LPP: variants seen among roughly 807,000 people sequenced by gnomAD.
LPP encodes LIM domain containing preferred translocation partner in lipoma.
In LPP, 38 loss-of-function variants were observed where a neutral mutation model predicts 60.4. That is an observed-to-expected ratio of 0.63 (90% CI 0.49 to 0.83). The LOEUF (loss-of-function observed/expected upper bound fraction) is 0.83. Ranked by LOEUF, LPP falls within the 40% of genes least tolerant of loss-of-function variation. LPP has a pLI of 0.00. For synonymous variants in LPP, 328 were observed against 290.8 expected (o/e 1.13, Z -1.30); for missense variants, 902 against 783.6 (o/e 1.15, Z -1.80).
At chr3:188,840,439 T>A (rs1228793930) in intron 9 of LPP, among the ~76,000 whole-genome samples, 2 of 152,200 alleles carry the variant, frequency 1.3e-5, no homozygotes, top group Non-Finnish European at 2.9e-5. Flanking sequence ...ATCTTGTGCA[T>A]TTGTAGAGGG....
intron 9 of LPP, among the ~76,000 whole-genome samples, chr3:188,807,657 C>G (rs1487543883): frequency 6.6e-6 from 1 of 152,088 alleles, no homozygotes; most frequent in Non-Finnish European, 1.5e-5. Flanking sequence ...TTCTTCTTCT[C>G]TGTTACTATG....
At chr3:188,379,200 G>C (rs914537866) in intron 3 of LPP, among the ~76,000 whole-genome samples, 1 of 152,088 alleles carries the variant, frequency 6.6e-6, no homozygotes, top group Non-Finnish European at 1.5e-5. Context: ...TGGTAGTTTA[G>C]TTGGTGAGGC....
chr3:188,719,405 C>G (rs1427657066), intron 8 of LPP, among the ~76,000 whole-genome samples: 1 of 152,156 alleles, frequency 6.6e-6, no homozygotes, highest in African/African-American at 2.4e-5. Flanking sequence ...GAACCACCAC[C>G]CAAGATTGGT....
chr3:188,478,469 T>A (rs1803829973), intron 4 of LPP, among the ~76,000 whole-genome samples: 1 of 152,084 alleles, frequency 6.6e-6, no homozygotes, highest in Non-Finnish European at 1.5e-5. Flanking sequence ...GATAGCAATA[T>A]TACCACATTA....
chr3:188,522,791 A>ATG (rs1819268804), intron 5 of LPP, among the ~76,000 whole-genome samples: 1 of 42,182 alleles, frequency 2.4e-5, no homozygotes, highest in Non-Finnish European at 5.2e-5. Context: ...TGAAATATAT[A>ATG]TATATATATA....
chr3:188,841,630 T>A (rs13088221), intron 9 of LPP, among the ~76,000 whole-genome samples: 18,103 of 152,172 alleles, frequency 0.12, 1,537 homozygotes, highest in Non-Finnish European at 0.18. Flanking sequence ...GACTTTGTGA[T>A]CCGCCCACCT....
At chr3:188,491,010 C>T (rs1808202962) in intron 5 of LPP, among the ~76,000 whole-genome samples, 2 of 152,060 alleles carry the variant, frequency 1.3e-5, no homozygotes, top group Admixed American at 1.3e-4. Flanking sequence ...ATCCGCCTGC[C>T]TCAGCCTCCC....
chr3:188,622,379 T>C (rs1845960392), intron 7 of LPP, among the ~76,000 whole-genome samples: 2 of 152,320 alleles, frequency 1.3e-5, no homozygotes, highest in Admixed American at 1.3e-4. Context: ...TCAAGGACTT[T>C]TTACGTAGCA....
intron 3 of LPP, among the ~76,000 whole-genome samples, chr3:188,387,935 TTTA>T (rs1778752196): frequency 6.6e-6 from 1 of 152,060 alleles, no homozygotes; most frequent in East Asian, 1.9e-4. Flanking sequence ...TTTTTTTTTT[TTTA>T]GCTTTAGTAG....
intron 5 of LPP, among the ~76,000 whole-genome samples, chr3:188,499,500 G>T (rs1386559153): frequency 6.6e-6 from 1 of 152,036 alleles, no homozygotes; most frequent in Non-Finnish European, 1.5e-5. Context: ...ACACTGTTTT[G>T]CTTACTTTAG....
At chr3:188,641,858 C>G (rs1377784930) in intron 7 of LPP, among the ~76,000 whole-genome samples, 1 of 152,232 alleles carries the variant, frequency 6.6e-6, no homozygotes, top group Non-Finnish European at 1.5e-5. Flanking sequence ...TCATCCTGTT[C>G]TGATAGAAAC....
At chr3:188,678,783 T>TAAATAA (rs1300396400) in intron 7 of LPP, among the ~76,000 whole-genome samples, 1 of 152,132 alleles carries the variant, frequency 6.6e-6, no homozygotes, top group African/African-American at 2.4e-5. Context: ...AAAATAAGAT[T>TAAATAA]TAAATAGGTT....
At chr3:188,716,178 G>A (rs1713914957) in intron 8 of LPP, among the ~76,000 whole-genome samples, 2 of 152,294 alleles carry the variant, frequency 1.3e-5, no homozygotes, top group Admixed American at 1.3e-4. Flanking sequence ...AGAAAACCAG[G>A]AGTTTGTTCC....
intron 4 of LPP, among the ~76,000 whole-genome samples, chr3:188,445,420 A>G (rs1167709018): frequency 6.6e-6 from 1 of 152,152 alleles, no homozygotes; most frequent in African/African-American, 2.4e-5. Context: ...GTTCTCACTC[A>G]TAATTGGGAG....
chr3:188,177,652 G>A (rs1198048165), intron 1 of LPP, among the ~76,000 whole-genome samples: 1 of 152,168 alleles, frequency 6.6e-6, no homozygotes, highest in African/African-American at 2.4e-5. Context: ...TGTAAAATGG[G>A]AGTAATGATG....
At chr3:188,419,844 A>C (rs1052685548) in intron 4 of LPP, among the ~76,000 whole-genome samples, 5 of 152,192 alleles carry the variant, frequency 3.3e-5, no homozygotes, top group Admixed American at 6.5e-5. Context: ...AAGCCACTGC[A>C]TTCCATTCCA....
At chr3:188,346,457 G>A (rs1034297000) in intron 3 of LPP, among the ~76,000 whole-genome samples, 2 of 149,698 alleles carry the variant, frequency 1.3e-5, no homozygotes, top group Admixed American at 1.3e-4. Flanking sequence ...TAGAGATGGG[G>A]TTTCACCATG....
chr3:188,755,759 A>G (rs760939353), intron 8 of LPP, among the ~76,000 whole-genome samples: 10 of 123,420 alleles, frequency 8.1e-5, no homozygotes, highest in African/African-American at 3.0e-4. Context: ...GTAGTGAACC[A>G]TGATCGCACT....
At chr3:188,672,955 T>G (rs1286819364) in intron 7 of LPP, among the ~76,000 whole-genome samples, 1 of 150,620 alleles carries the variant, frequency 6.6e-6, no homozygotes, top group Non-Finnish European at 1.5e-5. Flanking sequence ...TTGTTTTCTT[T>G]TATTGTTTTT....
Sources: allele counts gnomAD v4.1 joint callset (sites outside exome capture counted in the v4.1 genomes callset), GRCh38; gene constraint gnomAD v4.1.1; transcripts MANE v1.5; gene names NCBI Gene and HGNC (gene_info 2026-07-23, HGNC 2026-07-21).